Variants in CLDN2 observed in about 807,000 individuals in gnomAD.
CLDN2 encodes the protein claudin 2.
Under a neutral mutation model 8.2 loss-of-function variants are expected in CLDN2, and 1 was observed. The ratio of observed to expected loss-of-function variants is 0.12; its 90% confidence interval spans 0.04 to 0.58. The LOEUF (loss-of-function observed/expected upper bound fraction) is 0.58, where lower values mean the gene tolerates loss of function less well. CLDN2 is among the 20% of genes least tolerant of loss of function. CLDN2 has a pLI of 0.90. For synonymous variants in CLDN2, 70 were observed against 70.2 expected (o/e 1.00, Z 0.01); for missense variants, 108 against 172.9 (o/e 0.62, Z 2.11).
intron 1 of CLDN2, among the ~76,000 whole-genome samples, chrX:106,908,572 T>C (rs1334588936): frequency 1.8e-5 from 2 of 108,475 alleles, no homozygotes; most frequent in African/African-American, 3.3e-5. Context: ...CTTTTCTTTT[T>C]TTTTTTTTTT....
At chrX:106,926,870 TGTG>T (rs1361432198) in intron 1 of CLDN2, among the ~76,000 whole-genome samples, 1 of 50,801 alleles carries the variant, frequency 2.0e-5, no homozygotes, top group Non-Finnish European at 3.3e-5. Context: ...CCCAGCTACT[TGTG>T]GGGCTGAGGC....
At chrX:106,907,687 C>A (rs1370400284) in intron 1 of CLDN2, among the ~76,000 whole-genome samples, 1 of 101,582 alleles carries the variant, frequency 9.8e-6, no homozygotes, top group Non-Finnish European at 2.0e-5. Flanking sequence ...GAAAACAGAG[C>A]GAGACTCCGT....
upstream of CLDN2, among the ~76,000 whole-genome samples, chrX:106,914,109 C>T (rs760517154): frequency 1.8e-5 from 2 of 108,452 alleles, no homozygotes; most frequent in East Asian, 2.9e-4. Context: ...CACACCACCA[C>T]GCCCGGCTAA....
Position 106,909,987 on chromosome X carries a change from C to T in CLDN2, c.-179+9483C>T, listed in dbSNP as rs1266504847. 5.4e-5 allele frequency among the ~76,000 whole-genome samples: 6 copies of T among 111,323 alleles called. No homozygotes were observed. The East Asian group carries it at 1.1e-3, about 21-fold the overall frequency. On this transcript the variant is annotated intron_variant, in intron 1 of 1. Transcript: ENST00000541806. Reference sequence around the variant, plus strand: ...TGGGCAGGAGGGAGGTGTTTGGAAACGTCACTCCCAGCTGGGCTCCTTTCC... The same window carrying T: ...TGGGCAGGAGGGAGGTGTTTGGAAATGTCACTCCCAGCTGGGCTCCTTTCC...
rs183625207 is a variant in CLDN2, at chrX:106,929,289, G to A, written c.*368G>A. On this transcript the variant is annotated 3_prime_UTR_variant, in exon 2 of 2. Transcript: ENST00000336803. ...ACCCACTAATCACATCCCACTGACT[G>A]ACCCTCTGTGATCAAAGACCCTCTC... 6.3e-5 allele frequency: 13 copies of A among 205,376 alleles called. No homozygotes were observed. In the Admixed American group the frequency reaches 7.6e-4, roughly 12 times the overall value. 16.9% of individuals were successfully genotyped at this position (205,376 alleles called of 1,213,427 possible). A position where few individuals can be genotyped will look rare whatever the true frequency, so the allele number is the denominator to read the frequency against.
At chrX:106,921,002 T>A (rs1011862354) in intron 1 of CLDN2, among the ~76,000 whole-genome samples, 1 of 111,526 alleles carries the variant, frequency 9.0e-6, no homozygotes, top group African/African-American at 3.3e-5. Flanking sequence ...AGTTTCCCCA[T>A]GAGGTCCTTC....
At chrX:106,912,598 C>T (rs1280914893) in intron 1 of CLDN2, among the ~76,000 whole-genome samples, 1 of 109,272 alleles carries the variant, frequency 9.2e-6, no homozygotes, top group Non-Finnish European at 1.9e-5. Flanking sequence ...ATTTTTTTAG[C>T]AGAGACACAG....
At chrX:106,910,868 G>A (rs1275152184) in intron 1 of CLDN2, among the ~76,000 whole-genome samples, 2 of 111,903 alleles carry the variant, frequency 1.8e-5, no homozygotes, top group South Asian at 7.5e-4. Context: ...CGATCTTAAC[G>A]TGGAAAAAGC....
intron 1 of CLDN2, among the ~76,000 whole-genome samples, chrX:106,908,350 T>C (rs769669362): frequency 9.0e-6 from 1 of 111,405 alleles, no homozygotes; most frequent in South Asian, 3.8e-4. Flanking sequence ...AACTCCTTCG[T>C]GTGGCAGTTG....
chrX:106,908,722 G>A (rs765784447), intron 1 of CLDN2, among the ~76,000 whole-genome samples: 1 of 109,411 alleles, frequency 9.1e-6, no homozygotes, highest in East Asian at 2.9e-4. Flanking sequence ...CCAAGTAGCT[G>A]GGACCACAGG....
chrX:106,928,978 C>G lies in CLDN2; in HGVS notation c.*57C>G, dbSNP rs763951976. On this transcript the variant is annotated 3_prime_UTR_variant, in exon 2 of 2. Transcript: ENST00000336803. ...GGTCTGTGAAAAACAGTGGACAGCA[C>G]CCCGAGGGCCACAGGTGAGGGACAC... 4.1e-6 allele frequency: 4 copies of G among 986,880 alleles called. No homozygotes were observed. In the African/African-American group the frequency reaches 7.6e-5, roughly 19 times the overall value. The allele number at this position is 986,880 out of a possible 1,213,427, so 81.3% of individuals were successfully genotyped here. A position where few individuals can be genotyped will look rare whatever the true frequency, so the allele number is the denominator to read the frequency against.
At position 106,901,533 on chromosome X, in the gene CLDN2, A is replaced by C. The variant is rs755166835; in HGVS notation, c.-179+1029A>C. Reference sequence around the variant, plus strand: ...TGACCTCAGCAGCCGTTGCCCCACCAGCAGCCTGTCCAAAGCAAAAGCTAG... The same window carrying C: ...TGACCTCAGCAGCCGTTGCCCCACCCGCAGCCTGTCCAAAGCAAAAGCTAG... On this transcript the variant is annotated intron_variant, in intron 1 of 1. Transcript: ENST00000541806. 2.5e-6 allele frequency: 3 copies of C among 1,209,645 alleles called. No homozygotes were observed. The African/African-American group carries it at 5.2e-5, about 21-fold the overall frequency.
rs192635116 is a variant in CLDN2, at chrX:106,929,971, G to A, written c.*1050G>A. On this transcript the variant is annotated 3_prime_UTR_variant, in exon 2 of 2. Transcript: ENST00000336803. ...TCCTTGACGGTGTCTAAGAAGCCAGGTGGATGTGTGTGGTGGCTCCAGTGG... is the reference window on the plus strand; with the variant it reads ...TCCTTGACGGTGTCTAAGAAGCCAGATGGATGTGTGTGGTGGCTCCAGTGG... The A allele has an allele frequency of 1.6e-3, 192 of 123,449 alleles. 1 individual carries two copies. The highest frequency in any genetic ancestry group is 1.1e-4 in the Non-Finnish European group (6 of 53,251). The allele number at this position is 123,449 out of a possible 1,213,427, so 10.2% of individuals were successfully genotyped here.
intron 1 of CLDN2, among the ~76,000 whole-genome samples, chrX:106,902,794 C>T (rs939541616): frequency 4.5e-5 from 5 of 112,212 alleles, no homozygotes; most frequent in African/African-American, 1.6e-4. Context: ...CCTCTTTCCC[C>T]AAACTCCCCA....
chrX:106,910,166 T>C (rs1379846603), intron 1 of CLDN2, among the ~76,000 whole-genome samples: 2 of 110,803 alleles, frequency 1.8e-5, no homozygotes, highest in Non-Finnish European at 3.8e-5. Context: ...GTCTTTCCTC[T>C]TGTCCTTTTA....
At chrX:106,915,557 A>C (rs1933301437), upstream of CLDN2, among the ~76,000 whole-genome samples, 1 of 112,536 alleles carries the variant, frequency 8.9e-6, no homozygotes, top group Non-Finnish European at 1.9e-5. Context: ...AAATTGAATA[A>C]GCTTTAAATA....
At chrX:106,913,441 G>A (rs973063774), upstream of CLDN2, among the ~76,000 whole-genome samples, 5 of 112,002 alleles carry the variant, frequency 4.5e-5, no homozygotes, top group South Asian at 1.5e-3. Context: ...TCACCGATAC[G>A]GTTTAGTTTC....
intron 1 of CLDN2, chrX:106,901,451 G>T (rs770994624): frequency 1.7e-6 from 2 of 1,197,773 alleles, no homozygotes; most frequent in Non-Finnish European, 2.3e-6. Context: ...TGTCAAGTTT[G>T]GAGCTTCATG....
At chrX:106,911,580 G>A (rs1250378127) in intron 1 of CLDN2, among the ~76,000 whole-genome samples, 1 of 111,761 alleles carries the variant, frequency 8.9e-6, no homozygotes, top group Non-Finnish European at 1.9e-5. Flanking sequence ...ACTGACTGCA[G>A]GAAGCCTCCA....
Sources: allele counts gnomAD v4.1 joint callset (sites outside exome capture counted in the v4.1 genomes callset), GRCh38; gene constraint gnomAD v4.1.1; transcripts MANE v1.5; gene names NCBI Gene and HGNC (gene_info 2026-07-23, HGNC 2026-07-21).